Variants in KCNAB1 observed in about 807,000 individuals in gnomAD.
The protein encoded by KCNAB1 is voltage-gated potassium channel subunit beta-1.
In KCNAB1, 35 loss-of-function variants were observed where a neutral mutation model predicts 64.6. The ratio of observed to expected loss-of-function variants is 0.54; its 90% CI spans 0.41 to 0.72. The LOEUF is 0.72. Ranked by LOEUF, KCNAB1 falls within the 30% of genes least tolerant of loss-of-function variation. The pLI is 0.00. For missense variants in KCNAB1, 401 were observed against 512.9 expected (o/e 0.78, Z 2.11); for synonymous variants, 177 against 183.8 (o/e 0.96, Z 0.30).
At chr3:156,469,988 G>C (rs937955673) in intron 7 of KCNAB1, among the ~76,000 whole-genome samples, 63 of 152,336 alleles carry the variant, frequency 4.1e-4, no homozygotes, top group Non-Finnish European at 8.2e-4. Flanking sequence ...AATTAGAGAA[G>C]TACCATTAGA....
Position 156,244,845 on chromosome 3 carries a change from T to C in KCNAB1, c.275+123959T>C, listed in dbSNP as rs181432460. 2.0e-4 allele frequency among the ~76,000 whole-genome samples: 31 copies of C among 152,346 alleles called. No homozygotes were observed. The East Asian group carries it at 5.2e-3, about 26-fold the overall frequency. ...GGTCTTTGTTGGTCATATCAATTCA[T>C]TGACTTTATTTTGCTATTTTCAGTT... On this transcript the variant is annotated intron_variant, in intron 1 of 13. Transcript: ENST00000490337.
chr3:156,446,542 C>T (rs1711573795), intron 2 of KCNAB1, among the ~76,000 whole-genome samples: 1 of 152,192 alleles, frequency 6.6e-6, no homozygotes, highest in Admixed American at 6.5e-5. Context: ...CTGCAGTTCA[C>T]ATGTGCTCTG....
At chr3:156,428,608 T>C (rs1341382093) in intron 2 of KCNAB1, among the ~76,000 whole-genome samples, 1 of 151,736 alleles carries the variant, frequency 6.6e-6, no homozygotes. Context: ...ATCATGCAAG[T>C]GTATGTGGCC....
chr3:156,241,240 A>C (rs1717145633), intron 1 of KCNAB1, among the ~76,000 whole-genome samples: 1 of 152,246 alleles, frequency 6.6e-6, no homozygotes, highest in Admixed American at 6.5e-5. Flanking sequence ...CCTGAAATTA[A>C]TAACTGCCTT....
intron 1 of KCNAB1, chr3:156,143,118 T>TA (rs1714801447): frequency 1.3e-6 from 2 of 1,500,976 alleles, no homozygotes; most frequent in Non-Finnish European, 1.8e-6. Flanking sequence ...CACAGCAAGA[T>TA]ACAGTGAGTC....
At chr3:156,310,919 G>C (rs996901482) in intron 1 of KCNAB1, among the ~76,000 whole-genome samples, 3 of 152,218 alleles carry the variant, frequency 2.0e-5, no homozygotes, top group Admixed American at 2.0e-4. Context: ...AGCTAGGGCA[G>C]CAATTAGGGC....
intron 8 of KCNAB1, among the ~76,000 whole-genome samples, chr3:156,490,861 A>G (rs1715580467): frequency 6.6e-6 from 1 of 152,148 alleles, no homozygotes; most frequent in Admixed American, 6.5e-5. Context: ...TACCCAATAC[A>G]GTGAATAGAG....
At chr3:156,507,707 G>A (rs989256917) in intron 8 of KCNAB1, among the ~76,000 whole-genome samples, 1 of 152,168 alleles carries the variant, frequency 6.6e-6, no homozygotes, top group Non-Finnish European at 1.5e-5. Context: ...CTGACCTGAA[G>A]TAAAAATTGT....
intron 1 of KCNAB1, among the ~76,000 whole-genome samples, chr3:156,310,666 G>T (rs1177890871): frequency 3.3e-5 from 5 of 152,060 alleles, no homozygotes; most frequent in Admixed American, 6.6e-5. Flanking sequence ...TAGCCGGGCG[G>T]GGTGGCGGGT....
chr3:156,212,114 T>A (rs1315074357), intron 1 of KCNAB1, among the ~76,000 whole-genome samples: 1 of 152,172 alleles, frequency 6.6e-6, no homozygotes, highest in African/African-American at 2.4e-5. Context: ...GAATCAAGCA[T>A]CTTCCTGGTT....
At chr3:156,226,945 A>G (rs756328669) in intron 1 of KCNAB1, among the ~76,000 whole-genome samples, 1 of 152,246 alleles carries the variant, frequency 6.6e-6, no homozygotes, top group Non-Finnish European at 1.5e-5. Context: ...TGACACAGAC[A>G]TAAGGGATAA....
At chr3:156,376,267 T>C (rs960124134) in intron 1 of KCNAB1, among the ~76,000 whole-genome samples, 3 of 152,044 alleles carry the variant, frequency 2.0e-5, no homozygotes, top group Admixed American at 1.3e-4. Context: ...AGAGAGGCAG[T>C]GTGAGAGCAA....
intron 1 of KCNAB1, among the ~76,000 whole-genome samples, chr3:156,238,863 A>T (rs1717007436): frequency 6.6e-6 from 1 of 152,200 alleles, no homozygotes; most frequent in Non-Finnish European, 1.5e-5. Flanking sequence ...GCTGACAGTG[A>T]GGTTATTACT....
intron 1 of KCNAB1, among the ~76,000 whole-genome samples, chr3:156,197,583 GTTTA>G (rs1429773542): frequency 1.3e-5 from 2 of 152,254 alleles, no homozygotes; most frequent in Admixed American, 6.5e-5. Flanking sequence ...AGATTTTCTA[GTTTA>G]TTTGTTTGTA....
At chr3:156,420,811 C>A (rs1046853334) in intron 1 of KCNAB1, among the ~76,000 whole-genome samples, 1 of 152,058 alleles carries the variant, frequency 6.6e-6, no homozygotes, top group South Asian at 2.1e-4. Context: ...GACTTATAGG[C>A]AAATGCATAC....
intron 1 of KCNAB1, among the ~76,000 whole-genome samples, chr3:156,323,328 G>A (rs1172987135): frequency 6.6e-6 from 1 of 152,056 alleles, no homozygotes; most frequent in Non-Finnish European, 1.5e-5. Flanking sequence ...TACTTGTACT[G>A]TTTCATTGGT....
intron 1 of KCNAB1, among the ~76,000 whole-genome samples, chr3:156,356,857 A>AG (rs1725278779): frequency 6.6e-6 from 1 of 152,234 alleles, no homozygotes; most frequent in Non-Finnish European, 1.5e-5. Flanking sequence ...CTAAAGAAAC[A>AG]GGTCCAGGTT....
At chr3:156,196,241 A>G (rs71415903) in intron 1 of KCNAB1, among the ~76,000 whole-genome samples, 1 of 152,102 alleles carries the variant, frequency 6.6e-6, no homozygotes, top group Admixed American at 6.6e-5. Flanking sequence ...GTTAGGTAGC[A>G]TGATGCCTCC....
chr3:156,342,336 A>T (rs549061759), intron 1 of KCNAB1, among the ~76,000 whole-genome samples: 1 of 152,328 alleles, frequency 6.6e-6, no homozygotes, highest in African/African-American at 2.4e-5. Context: ...TATCATCTTA[A>T]TCCGAGGGAG....
Sources: allele counts gnomAD v4.1 joint callset (sites outside exome capture counted in the v4.1 genomes callset), GRCh38; gene constraint gnomAD v4.1.1; transcripts MANE v1.5; gene names NCBI Gene and HGNC (gene_info 2026-07-23, HGNC 2026-07-21).